Variants in ASIC2 observed in about 807,000 individuals in gnomAD.
ASIC2 encodes the protein acid sensing ion channel subunit 2.
In ASIC2, 25 loss-of-function variants were observed where a neutral mutation model predicts 57.3. That is an observed-to-expected ratio of 0.44 (90% CI 0.32 to 0.61). ASIC2 has a LOEUF of 0.61. ASIC2 is among the 20% of genes least tolerant of loss of function. The pLI is 0.06. For missense variants in ASIC2, 641 were observed against 738.1 expected (o/e 0.87, Z 1.52); for synonymous variants, 319 against 307.5 (o/e 1.04, Z -0.39).
intron 1 of ASIC2, among the ~76,000 whole-genome samples, chr17:33,186,546 A>G (rs1204665167): frequency 6.6e-6 from 1 of 152,226 alleles, no homozygotes; most frequent in Non-Finnish European, 1.5e-5. Context: ...TTTCTTATTT[A>G]AGCTCACAAT....
At chr17:33,313,107 A>G (rs1415785047) in intron 1 of ASIC2, among the ~76,000 whole-genome samples, 1 of 152,084 alleles carries the variant, frequency 6.6e-6, no homozygotes. Flanking sequence ...CAAGAGTTCA[A>G]GACCAGCCTG....
chr17:33,669,330 A>G (rs115762593), intron 1 of ASIC2, among the ~76,000 whole-genome samples: 2,173 of 152,366 alleles, frequency 0.014, 27 homozygotes, highest in African/African-American at 0.026. Flanking sequence ...CCTCAGCAGT[A>G]TATCTACCTG....
At chr17:33,988,063 T>G (rs1035256081) in intron 1 of ASIC2, among the ~76,000 whole-genome samples, 1 of 151,836 alleles carries the variant, frequency 6.6e-6, no homozygotes, top group African/African-American at 2.4e-5. Context: ...TAAAGGAGAG[T>G]AAGAGTGCAT....
chr17:33,923,648 C>T (rs767526991), intron 1 of ASIC2, among the ~76,000 whole-genome samples: 26 of 152,198 alleles, frequency 1.7e-4, no homozygotes, highest in Non-Finnish European at 2.8e-4. Context: ...GCTGTGGGGC[C>T]GGGGAGTGGG....
At chr17:34,099,613 GGAAA>G (rs138383619) in intron 1 of ASIC2, among the ~76,000 whole-genome samples, 1,601 of 114,680 alleles carry the variant, frequency 0.014, 111 homozygotes, top group African/African-American at 0.055. Context: ...GAGAGAAAGA[GGAAA>G]GAAAGAAAAA....
intron 3 of ASIC2, among the ~76,000 whole-genome samples, chr17:33,044,104 C>T (rs920161642): frequency 2.0e-5 from 3 of 152,092 alleles, no homozygotes; most frequent in African/African-American, 7.2e-5. Flanking sequence ...CATTCTAACA[C>T]GACTTTTATC....
chr17:33,084,158 C>T (rs1264671230), intron 3 of ASIC2, among the ~76,000 whole-genome samples: 2 of 152,168 alleles, frequency 1.3e-5, no homozygotes, highest in South Asian at 2.1e-4. Flanking sequence ...TGAGCAGGGG[C>T]AGGGACTCCC....
Position 33,169,435 on chromosome 17 carries a change from G to C in ASIC2, c.709-57368C>G, listed in dbSNP as rs546316228. ...GAGATTCGCTGTGAAAATTCATTTAGATGAGACTGGTAAACCACTCGGCTC... is the reference window on the plus strand; with the variant it reads ...GAGATTCGCTGTGAAAATTCATTTACATGAGACTGGTAAACCACTCGGCTC... On this transcript the variant is annotated intron_variant, in intron 1 of 9. Transcript: ENST00000225823. Among the ~76,000 whole-genome samples the C allele has an allele frequency of 1.5e-4, 23 of 152,324 alleles. No individual in the cohort carries two copies. The East Asian group carries it at 2.3e-3, about 15-fold the overall frequency.
At chr17:33,540,319 C>T (rs1174693798) in intron 1 of ASIC2, among the ~76,000 whole-genome samples, 3 of 152,076 alleles carry the variant, frequency 2.0e-5, no homozygotes, top group African/African-American at 7.2e-5. Context: ...CTCTAATGAC[C>T]TCATTTTAAT....
At chr17:33,036,607 CT>C (rs34411330) in intron 3 of ASIC2, among the ~76,000 whole-genome samples, 93,257 of 150,798 alleles carry the variant, frequency 0.62, 28,983 homozygotes, top group Admixed American at 0.72. Flanking sequence ...ATTTTTTGAA[CT>C]TTTTTTTTTG....
intron 1 of ASIC2, among the ~76,000 whole-genome samples, chr17:33,389,673 A>G (rs1253125301): frequency 6.6e-6 from 1 of 152,182 alleles, no homozygotes; most frequent in Non-Finnish European, 1.5e-5. Flanking sequence ...AAGATCAAGG[A>G]AGAGATTTGG....
At chr17:33,725,555 T>C (rs1909523060) in intron 1 of ASIC2, among the ~76,000 whole-genome samples, 1 of 152,134 alleles carries the variant, frequency 6.6e-6, no homozygotes, top group South Asian at 2.1e-4. Flanking sequence ...TAAAATAGAC[T>C]TAGGAATAAG....
At chr17:33,436,947 G>A (rs1241896917) in intron 1 of ASIC2, among the ~76,000 whole-genome samples, 1 of 129,288 alleles carries the variant, frequency 7.7e-6, no homozygotes, top group African/African-American at 2.9e-5. Context: ...CTCACTGCAA[G>A]CTCCGCCTCC....
At chr17:33,410,735 C>T (rs900749055) in intron 1 of ASIC2, among the ~76,000 whole-genome samples, 1 of 152,222 alleles carries the variant, frequency 6.6e-6, no homozygotes, top group Non-Finnish European at 1.5e-5. Context: ...AGTCACTCCT[C>T]TCTTCATCCA....
chr17:33,348,302 G>C (rs1178783070), intron 1 of ASIC2, among the ~76,000 whole-genome samples: 2 of 152,118 alleles, frequency 1.3e-5, no homozygotes, highest in Non-Finnish European at 2.9e-5. Context: ...AACAAAGGCT[G>C]ATGACACTAA....
chr17:33,955,451 T>C (rs1359277406), intron 1 of ASIC2: 1 of 152,264 alleles, frequency 6.6e-6, no homozygotes, highest in Admixed American at 6.5e-5. Flanking sequence ...GCTTGCTTCC[T>C]GGTGGCTTCC....
chr17:33,903,388 GT>G (rs1291682377), intron 1 of ASIC2, among the ~76,000 whole-genome samples: 2 of 152,120 alleles, frequency 1.3e-5, no homozygotes, highest in East Asian at 1.9e-4. Context: ...TCCAAAATGT[GT>G]TTTATAGCTC....
At chr17:33,610,220 C>T (rs1050778203) in intron 1 of ASIC2, among the ~76,000 whole-genome samples, 4 of 152,178 alleles carry the variant, frequency 2.6e-5, no homozygotes, top group Middle Eastern at 3.2e-3. Context: ...TGCAGTGGCA[C>T]GATCTCGGCT....
At chr17:33,537,146 C>T (rs954181790) in intron 1 of ASIC2, among the ~76,000 whole-genome samples, 5 of 152,112 alleles carry the variant, frequency 3.3e-5, no homozygotes, top group African/African-American at 1.2e-4. Context: ...TGGCATCTGC[C>T]CACCTTTCTG....
Sources: gnomAD v4.1 joint callset for allele counts (sites outside exome capture counted in the v4.1 genomes callset) on GRCh38, gnomAD v4.1.1 for gene constraint, MANE v1.5 for transcripts, NCBI Gene and HGNC (gene_info 2026-07-23, HGNC 2026-07-21) for gene names.